STPG2: variants seen among roughly 807,000 people sequenced by gnomAD.
STPG2 encodes sperm tail PG-rich repeat containing 2.
STPG2 carries 56 observed loss-of-function variants against 54.2 expected under a neutral mutation model. The ratio of observed to expected loss-of-function variants is 1.03; its 90% CI spans 0.83 to 1.29. STPG2 has a LOEUF of 1.29. Ranked by LOEUF, STPG2 falls within the 50% of genes most tolerant of loss-of-function variation. The pLI, the probability that STPG2 is intolerant of heterozygous loss-of-function variation, is 0.00. For missense variants in STPG2, 596 were observed against 544.9 expected (o/e 1.09, Z -0.93); for synonymous variants, 200 against 181.8 (o/e 1.10, Z -0.81).
chr4:97,966,849 C>A (rs937046351), intron 7 of STPG2, among the ~76,000 whole-genome samples: 1 of 152,042 alleles, frequency 6.6e-6, no homozygotes, highest in Non-Finnish European at 1.5e-5. Flanking sequence ...TATAAGAGCT[C>A]CTGAAGGAAG....
Position 98,143,212 on chromosome 4 carries a change from A to T in STPG2, c.-62T>A, listed in dbSNP as rs1740353525. 7.5e-7 allele frequency: 1 copy of T among 1,326,446 alleles called. No homozygotes were observed. The highest frequency in any genetic ancestry group is 1.1e-6 in the Non-Finnish European group (1 of 945,530). The allele number at this position is 1,326,446 out of a possible 1,614,324, so 82.2% of individuals were successfully genotyped here. On this transcript the variant is annotated 5_prime_UTR_variant, in exon 1 of 11. Coordinates refer to ENST00000295268, the MANE Select transcript of STPG2 (RefSeq NM_174952.3). Reference sequence around the variant, plus strand: ...GTGCCGAAAACGATAAAAACAAGGTAGCTAGAAGTGTGGAGAAAAAGGAAG... The same window carrying T: ...GTGCCGAAAACGATAAAAACAAGGTTGCTAGAAGTGTGGAGAAAAAGGAAG...
chr4:97,534,744 G>A (rs1056801822), intron 4 of STPG2, among the ~76,000 whole-genome samples: 2 of 151,932 alleles, frequency 1.3e-5, no homozygotes, highest in African/African-American at 4.8e-5. Flanking sequence ...TGGTTTTATT[G>A]GCCAAAAAAA....
At chr4:97,803,795 C>T (rs1336470389) in intron 9 of STPG2, among the ~76,000 whole-genome samples, 1 of 152,202 alleles carries the variant, frequency 6.6e-6, no homozygotes, top group African/African-American at 2.4e-5. Context: ...CCCGCCTAGG[C>T]CTCCCAAAGT....
intron 4 of STPG2, among the ~76,000 whole-genome samples, chr4:97,499,722 G>A (rs1248426183): frequency 4.0e-5 from 6 of 151,866 alleles, no homozygotes; most frequent in Non-Finnish European, 4.4e-5. Context: ...GGTGGCAAAT[G>A]AACAAAGGCT....
Position 97,847,572 on chromosome 4 carries a change from C to T in STPG2, c.1045-6640G>A, listed in dbSNP as rs553130311. Among the ~76,000 whole-genome samples, 197 of 152,160 alleles carry T rather than the reference C, an allele frequency of 1.3e-3. 1 individual carries two copies. The highest frequency in any genetic ancestry group is 4.6e-3 in the African/African-American group (190 of 41,534). On this transcript the variant is annotated intron_variant, in intron 8 of 10. Coordinates refer to ENST00000295268, the MANE Select transcript of STPG2 (RefSeq NM_174952.3). ...CTCAGTAAAATAATAACAAAAAGTGCTGATAGTCAAAATCACATAGGGAAT... is the reference window on the plus strand; with the variant it reads ...CTCAGTAAAATAATAACAAAAAGTGTTGATAGTCAAAATCACATAGGGAAT...
At chr4:97,574,360 T>C (rs760379338) in intron 10 of STPG2, among the ~76,000 whole-genome samples, 35 of 151,920 alleles carry the variant, frequency 2.3e-4, no homozygotes, top group Non-Finnish European at 4.3e-4. Flanking sequence ...CAAATTTATA[T>C]AAGTTTTATG....
At chr4:97,965,379 T>C (rs1734057008) in intron 7 of STPG2, among the ~76,000 whole-genome samples, 1 of 152,208 alleles carries the variant, frequency 6.6e-6, no homozygotes, top group African/African-American at 2.4e-5. Context: ...CAGCAAGGCC[T>C]ACTGCCTCTA....
chr4:98,040,237 T>C (rs1370286092), intron 5 of STPG2, among the ~76,000 whole-genome samples: 1 of 151,974 alleles, frequency 6.6e-6, no homozygotes, highest in Non-Finnish European at 1.5e-5. Flanking sequence ...GTCAGATGCA[T>C]AGTCCGAAAA....
intron 5 of STPG2, among the ~76,000 whole-genome samples, chr4:98,084,972 A>G (rs529865687): frequency 1.1e-4 from 16 of 152,220 alleles, no homozygotes; most frequent in South Asian, 4.1e-4. Flanking sequence ...CACTTTATCA[A>G]CTTTTTCCTT....
intron 4 of STPG2, among the ~76,000 whole-genome samples, chr4:97,466,453 T>C (rs796895570): frequency 5.9e-5 from 9 of 152,180 alleles, no homozygotes; most frequent in African/African-American, 2.2e-4. Context: ...GGCTAGGTGC[T>C]CAGCTTCCTT....
intron 10 of STPG2, among the ~76,000 whole-genome samples, chr4:97,601,546 C>T (rs1447014346): frequency 6.6e-6 from 1 of 151,868 alleles, no homozygotes; most frequent in Non-Finnish European, 1.5e-5. Context: ...CTTTTTCCCA[C>T]TGATCTGTAA....
chr4:98,010,467 C>A (rs11944035), intron 5 of STPG2, among the ~76,000 whole-genome samples: 2 of 151,872 alleles, frequency 1.3e-5, no homozygotes, highest in African/African-American at 4.8e-5. Flanking sequence ...TTAGTATTTG[C>A]ATGGATTATA....
chr4:97,537,898 T>C (rs1731577497), intron 4 of STPG2, among the ~76,000 whole-genome samples: 1 of 152,194 alleles, frequency 6.6e-6, no homozygotes, highest in African/African-American at 2.4e-5. Flanking sequence ...ATATTCGCTG[T>C]TCTGCAGCCT....
intron 4 of STPG2, among the ~76,000 whole-genome samples, chr4:97,474,089 G>T (rs1730012937): frequency 1.3e-5 from 2 of 152,108 alleles, no homozygotes; most frequent in South Asian, 4.1e-4. Flanking sequence ...GACTTTAGAT[G>T]ATAATGTTGT....
chr4:98,086,032 C>A (rs756233439), intron 5 of STPG2, among the ~76,000 whole-genome samples: 3 of 152,042 alleles, frequency 2.0e-5, no homozygotes, highest in Non-Finnish European at 4.4e-5. Context: ...AAATGTTTCA[C>A]CTTGACTCAG....
chr4:97,719,158 G>A (rs1724375156), intron 9 of STPG2, among the ~76,000 whole-genome samples: 2 of 151,898 alleles, frequency 1.3e-5, no homozygotes, highest in African/African-American at 4.8e-5. Flanking sequence ...ATAACTAACA[G>A]TGGAATTTTT....
chr4:98,020,896 G>C (rs890170047), intron 5 of STPG2, among the ~76,000 whole-genome samples: 1 of 151,980 alleles, frequency 6.6e-6, no homozygotes, highest in Admixed American at 6.6e-5. Flanking sequence ...GCGTCTATTT[G>C]ATTCTTCTCT....
At chr4:97,732,402 T>C (rs13145102) in intron 9 of STPG2, among the ~76,000 whole-genome samples, 6 of 152,244 alleles carry the variant, frequency 3.9e-5, no homozygotes, top group African/African-American at 1.4e-4. Context: ...CGTCTTCATA[T>C]GGCTTGCCAG....
At chr4:97,515,316 A>G (rs1731053468) in intron 4 of STPG2, among the ~76,000 whole-genome samples, 1 of 152,078 alleles carries the variant, frequency 6.6e-6, no homozygotes, top group African/African-American at 2.4e-5. Flanking sequence ...ATGTATACCC[A>G]TTTGGGAAAC....
Sources: gnomAD v4.1 joint callset for allele counts (sites outside exome capture counted in the v4.1 genomes callset) on GRCh38, gnomAD v4.1.1 for gene constraint, MANE v1.5 for transcripts, NCBI Gene and HGNC (gene_info 2026-07-23, HGNC 2026-07-21) for gene names.